The following UGT2A1 variants were observed in gnomAD, a reference collection of about 807,000 sequenced individuals.
UGT2A1 encodes the protein UDP-glucuronosyltransferase 2A1.
A neutral mutation model predicts 45.4 loss-of-function variants in UGT2A1; 61 were observed. That is an observed-to-expected ratio of 1.34 (90% confidence interval 1.09 to 1.66). The LOEUF is 1.66. Among genes scored for constraint, UGT2A1 ranks in the 40% most tolerant of loss-of-function variants. The probability of loss-of-function intolerance (pLI) is 0.00; values close to 1 mark genes in which losing one functional copy is unlikely to be tolerated. For missense variants in UGT2A1, 649 were observed against 574.3 expected (o/e 1.13, Z -1.33); for synonymous variants, 229 against 196.2 (o/e 1.17, Z -1.40).
intron 3 of UGT2A1, among the ~76,000 whole-genome samples, chr4:69,606,477 A>G (rs201140879): frequency 7.3e-6 from 1 of 136,434 alleles, no homozygotes; most frequent in East Asian, 2.1e-4. Context: ...TACTGAATGG[A>G]CAAAAACTGG....
intron 1 of UGT2A1, among the ~76,000 whole-genome samples, chr4:69,648,505 G>A (rs542824001): frequency 1.1e-4 from 17 of 151,930 alleles, no homozygotes; most frequent in Middle Eastern, 6.8e-3. Flanking sequence ...AACTGCTAGC[G>A]TTTATTAAGT....
chr4:69,603,354 T>A (rs1205254406), intron 3 of UGT2A1, among the ~76,000 whole-genome samples: 2 of 136,294 alleles, frequency 1.5e-5, no homozygotes, highest in African/African-American at 5.9e-5. Flanking sequence ...GATGCAGGCA[T>A]GCAGGAAAAA....
At chr4:69,648,866 T>C (rs1722396684) in intron 1 of UGT2A1, among the ~76,000 whole-genome samples, 1 of 151,978 alleles carries the variant, frequency 6.6e-6, no homozygotes, top group South Asian at 2.1e-4. Flanking sequence ...GTCTTAAGGA[T>C]CTCTGACTCC....
intron 2 of UGT2A1, among the ~76,000 whole-genome samples, chr4:69,637,959 AAAAG>A (rs945573776): frequency 6.6e-6 from 1 of 150,788 alleles, no homozygotes; most frequent in Non-Finnish European, 1.5e-5. Flanking sequence ...AGGAAGGAAA[AAAAG>A]GAAGGAAAAA....
chr4:69,603,318 A>G lies in UGT2A1; in HGVS notation c.848-3924T>C, dbSNP rs1427308907. 1.5e-5 allele frequency among the ~76,000 whole-genome samples: 2 copies of G among 137,024 alleles called. 1 individual carries two copies. The allele number at this position is 137,024 out of a possible 152,430, so 89.9% of individuals were successfully genotyped here. On this transcript the variant is annotated intron_variant, in intron 3 of 6. Coordinates refer to ENST00000286604, the MANE Select transcript of UGT2A1 (RefSeq NM_001252275.3). Reference sequence around the variant, plus strand: ...ATAGTGAAAAAAAACAAAACCACTTATGTAATGAAATTCATGAATGACAAA... The same window carrying G: ...ATAGTGAAAAAAAACAAAACCACTTGTGTAATGAAATTCATGAATGACAAA...
intron 2 of UGT2A1, chr4:69,639,008 G>T: frequency 6.2e-7 from 1 of 1,613,222 alleles, no homozygotes. Context: ...AGGTCATCTG[G>T]TCAGTGAGCT....
chr4:69,630,095 T>C (rs1721300863), intron 3 of UGT2A1, among the ~76,000 whole-genome samples: 1 of 152,082 alleles, frequency 6.6e-6, no homozygotes, highest in Non-Finnish European at 1.5e-5. Context: ...ATTAAGATTA[T>C]ATTAAAAGAT....
Position 69,596,804 on chromosome 4 carries a change from G to A in UGT2A1, c.997-1555C>T, listed in dbSNP as rs192446725. On this transcript the variant is annotated intron_variant, in intron 4 of 6. Transcript: ENST00000286604. Reference sequence around the variant, plus strand: ...CCCAAAGTGCTGGAATTACAGGCATGAGCCACTGTGCCCAGTCAGAAATAG... The same window carrying A: ...CCCAAAGTGCTGGAATTACAGGCATAAGCCACTGTGCCCAGTCAGAAATAG... 1.1e-3 allele frequency among the ~76,000 whole-genome samples: 164 copies of A among 152,328 alleles called. No homozygotes were observed. In the Middle Eastern group the frequency reaches 0.014, roughly 13 times the overall value.
At chr4:69,645,720 TA>T (rs1276542845) in intron 2 of UGT2A1, among the ~76,000 whole-genome samples, 8 of 151,792 alleles carry the variant, frequency 5.3e-5, no homozygotes, top group African/African-American at 1.9e-4. Context: ...AATTGCTTAT[TA>T]GATTAAAATG....
At chr4:69,594,752 T>C in intron 5 of UGT2A1, 56 bp from the exon 6 acceptor site, 1 of 1,558,362 alleles carries the variant, frequency 6.4e-7, no homozygotes, top group East Asian at 2.3e-5. Context: ...TTAGCAGAAT[T>C]TGAGAGACAG....
rs181744898 is a variant in UGT2A1, at chr4:69,604,022, G to A, written c.848-4628C>T. Among the ~76,000 whole-genome samples the A allele has an allele frequency of 1.8e-4, 24 of 136,746 alleles. 4 individuals carry two copies. In the East Asian group the frequency reaches 4.9e-3, roughly 28 times the overall value. The allele number at this position is 136,746 out of a possible 152,430, so 89.7% of individuals were successfully genotyped here. ...GATATTATCCAGTAGAACCTCCCCAGTCTAGCAAGGAAGGCCAACGTTCAA... is the reference window on the plus strand; with the variant it reads ...GATATTATCCAGTAGAACCTCCCCAATCTAGCAAGGAAGGCCAACGTTCAA... On this transcript the variant is annotated intron_variant, in intron 3 of 6. Transcript: ENST00000286604.
chr4:69,604,375 G>C (rs1395687118), intron 3 of UGT2A1, among the ~76,000 whole-genome samples: 1 of 136,578 alleles, frequency 7.3e-6, no homozygotes, highest in African/African-American at 3.0e-5. Flanking sequence ...AATGCTGAGA[G>C]ATTTTGTCAC....
chr4:69,637,514 TAAA>T (rs1721777569), intron 2 of UGT2A1, among the ~76,000 whole-genome samples: 1 of 152,100 alleles, frequency 6.6e-6, no homozygotes, highest in South Asian at 2.1e-4. Context: ...TACCTACTCC[TAAA>T]AGGCTTTTCC....
In UGT2A1 at chr4:69,610,591, C is replaced by G. The variant is rs111933037; in HGVS notation, c.848-11197G>C. 8.3e-3 allele frequency among the ~76,000 whole-genome samples: 1,270 copies of G among 152,194 alleles called. 20 individuals are homozygous for G. The highest frequency in any genetic ancestry group is 0.029 in the African/African-American group (1,198 of 41,538). On this transcript the variant is annotated intron_variant, in intron 3 of 6. Transcript: ENST00000286604. ...CTCCCCTAAAATTTGTATATGAAGC[C>G]TGACTGTATTTGAAGATAAGGCCTT... is the stretch of plus-strand genomic sequence containing the variant.
At chr4:69,641,344 T>G (rs1043348346) in intron 2 of UGT2A1, among the ~76,000 whole-genome samples, 1 of 151,900 alleles carries the variant, frequency 6.6e-6, no homozygotes, top group Non-Finnish European at 1.5e-5. Flanking sequence ...TACAATCCTA[T>G]TAGTCTGAAT....
rs140580802 is a variant in UGT2A1, at chr4:69,647,331, C to T, written c.314G>A (p.Trp105Ter). 6.2e-7 allele frequency: 1 copy of T among 1,613,298 alleles called. No individual in the cohort carries two copies. Among genetic ancestry groups the T allele is most frequent in the Non-Finnish European group, 8.5e-7 (1 of 1,179,530 alleles). Residue 105 changes from tryptophan to a stop codon, truncating the protein, a stop_gained, in exon 2 of 7, where the codon TGG becomes TAG. Transcript: ENST00000286604. LOFTEE classifies it high-confidence loss of function. ...LENRPSPSTI[W>*]RFYQEMAKVI... ...TTTGGCCATCTCCTGATAGAATCTC[C>T]AAATGGTTGAAGGAGATGGTCTATT...
At chr4:69,650,606 C>T (rs1722474782) in intron 1 of UGT2A1, among the ~76,000 whole-genome samples, 1 of 151,362 alleles carries the variant, frequency 6.6e-6, no homozygotes. Context: ...CAAAAAATAC[C>T]ATAAATTATT....
intron 3 of UGT2A1, among the ~76,000 whole-genome samples, chr4:69,602,218 A>ACT: frequency 7.3e-6 from 1 of 136,562 alleles, no homozygotes; most frequent in Non-Finnish European, 1.6e-5. Flanking sequence ...AGCAATAAAA[A>ACT]CAGTTGTTCA....
chr4:69,613,095 A>G (rs35281757), intron 3 of UGT2A1, among the ~76,000 whole-genome samples: 59,892 of 151,762 alleles, frequency 0.39, 12,142 homozygotes, highest in African/African-American at 0.48. Context: ...ACTTCACAAA[A>G]GAAGACATAC....
Sources: gnomAD v4.1 joint callset for allele counts (sites outside exome capture counted in the v4.1 genomes callset) on GRCh38, gnomAD v4.1.1 for gene constraint, MANE v1.5 for transcripts, NCBI Gene and HGNC (gene_info 2026-07-23, HGNC 2026-07-21) for gene names.